The following SEMA6D variants were observed in gnomAD, a reference collection of about 807,000 sequenced individuals.
The protein encoded by SEMA6D is semaphorin-6D.
SEMA6D carries 35 observed loss-of-function variants against 106.6 expected under a neutral mutation model. That is an observed-to-expected ratio of 0.33 (90% CI 0.25 to 0.44). The LOEUF (loss-of-function observed/expected upper bound fraction) is 0.44. Among genes scored for constraint, SEMA6D ranks in the 20% least tolerant of loss-of-function variants. The probability of loss-of-function intolerance (pLI) is 1.00; values close to 1 mark genes in which losing one functional copy is unlikely to be tolerated. For missense variants in SEMA6D, 1,185 were observed against 1,345.9 expected (o/e 0.88, Z 1.87); for synonymous variants, 499 against 487.7 (o/e 1.02, Z -0.31).
chr15:47,225,887 A>G (rs2031625678), intron 1 of SEMA6D, among the ~76,000 whole-genome samples: 1 of 152,030 alleles, frequency 6.6e-6, no homozygotes, highest in African/African-American at 2.4e-5. Context: ...TTTATTGGGT[A>G]CGTACTTTTC....
At chr15:47,201,076 C>G (rs372160232) in intron 1 of SEMA6D, among the ~76,000 whole-genome samples, 1 of 152,046 alleles carries the variant, frequency 6.6e-6, no homozygotes, top group East Asian at 1.9e-4. Flanking sequence ...TCTTATTCAT[C>G]GATTTAGTAG....
intron 4 of SEMA6D, among the ~76,000 whole-genome samples, chr15:47,710,868 G>A (rs1421531196): frequency 1.3e-5 from 2 of 152,130 alleles, no homozygotes; most frequent in African/African-American, 4.8e-5. Flanking sequence ...TCAATTTGAA[G>A]TGATTTTTTC....
chr15:47,441,048 T>C (rs2140773197), intron 2 of SEMA6D, among the ~76,000 whole-genome samples: 1 of 152,198 alleles, frequency 6.6e-6, no homozygotes, highest in East Asian at 1.9e-4. Flanking sequence ...GCTTGACACT[T>C]AACCTTACCA....
intron 1 of SEMA6D, among the ~76,000 whole-genome samples, chr15:47,407,403 C>CAAAAAAAAAAAAAA (rs1462088729): frequency 6.6e-4 from 54 of 82,192 alleles, no homozygotes; most frequent in Middle Eastern, 9.8e-3. Flanking sequence ...ACAACAACAA[C>CAAAAAAAAAAAAAA]AACAACAAAA....
In SEMA6D at chr15:47,331,464, TA is replaced by T. The variant is rs2037336383; in HGVS notation, c.-238-80928del. 2.6e-5 allele frequency among the ~76,000 whole-genome samples: 4 copies of T among 152,220 alleles called. No individual in the cohort carries two copies. The South Asian group carries it at 8.3e-4, about 31-fold the overall frequency. On this transcript the variant is annotated intron_variant, in intron 1 of 19. Transcript: ENST00000558014. ...GAATGGGATGCAATAAATATATTTTTAGTCTTAATTATATAGGGAAATGTTA... is the reference window on the plus strand; with the variant it reads ...GAATGGGATGCAATAAATATATTTTTGTCTTAATTATATAGGGAAATGTTA...
intron 4 of SEMA6D, among the ~76,000 whole-genome samples, chr15:47,658,615 C>T (rs72735829): frequency 0.021 from 3,125 of 152,194 alleles, 36 homozygotes; most frequent in South Asian, 0.053. Flanking sequence ...TGTTGGACTG[C>T]GCAATCCTTC....
chr15:47,694,533 C>T (rs1398693655), intron 4 of SEMA6D, among the ~76,000 whole-genome samples: 1 of 152,052 alleles, frequency 6.6e-6, no homozygotes, highest in Non-Finnish European at 1.5e-5. Flanking sequence ...TCCTGTGCCC[C>T]TCTTCAACTA....
At chr15:47,241,899 G>C (rs757480652) in intron 1 of SEMA6D, among the ~76,000 whole-genome samples, 1 of 152,048 alleles carries the variant, frequency 6.6e-6, no homozygotes, top group African/African-American at 2.4e-5. Context: ...TTCCCTCCCT[G>C]TATTTCTGGC....
At chr15:47,766,768 C>A in intron 16 of SEMA6D, 91 bp downstream of exon 16, 2 of 868,406 alleles carry the variant, frequency 2.3e-6, no homozygotes, top group Non-Finnish European at 3.7e-6. Flanking sequence ...TTTAATGACT[C>A]AGGACACATA....
At chr15:47,554,267 A>G (rs1331276949) in intron 3 of SEMA6D, among the ~76,000 whole-genome samples, 2 of 152,214 alleles carry the variant, frequency 1.3e-5, no homozygotes, top group East Asian at 1.9e-4. Context: ...AGTCCAGTAC[A>G]TAGCCATTAT....
At chr15:47,616,550 A>C (rs1312105588) in intron 4 of SEMA6D, among the ~76,000 whole-genome samples, 17 of 145,788 alleles carry the variant, frequency 1.2e-4, no homozygotes, top group Non-Finnish European at 1.5e-5. Flanking sequence ...TATAAGAATT[A>C]TTGACTGTAT....
rs1314767755 is a variant in SEMA6D at position 47,207,991 on chromosome 15, GCGCACACACACACACACACACACACA to G, written c.-239+23575_-239+23600del. Among the ~76,000 whole-genome samples, 119 of 122,988 alleles carry G rather than the reference GCGCACACACACACACACACACACACA, an allele frequency of 9.7e-4. 1 individual carries two copies. The highest frequency in any genetic ancestry group is 2.2e-3 in the East Asian group (9 of 4,150). 80.7% of individuals were successfully genotyped at this position (122,988 alleles called of 152,430 possible). A position where few individuals can be genotyped will look rare whatever the true frequency, so the allele number is the denominator to read the frequency against. On this transcript the variant is annotated intron_variant, in intron 1 of 19. Coordinates refer to the SEMA6D transcript ENST00000558014. ...ACAGGTACAGTAGCCACTGGCGCGC[GCGCACACACACACACACACACACACA>G]CACACACACACACACACACACACAC...
At chr15:47,287,997 G>A (rs1233616923) in intron 1 of SEMA6D, among the ~76,000 whole-genome samples, 2 of 152,104 alleles carry the variant, frequency 1.3e-5, no homozygotes, top group African/African-American at 4.8e-5. Context: ...AAAAGAGAGA[G>A]ACAGAGAGAG....
At chr15:47,463,567 A>G in intron 2 of SEMA6D, among the ~76,000 whole-genome samples, 1 of 152,166 alleles carries the variant, frequency 6.6e-6, no homozygotes, top group South Asian at 2.1e-4. Flanking sequence ...TAGGCCTAAG[A>G]GTTGTAGAGT....
rs1298423258 is a variant in SEMA6D at position 47,229,424 on chromosome 15, T to C, written c.-239+45006T>C. Among the ~76,000 whole-genome samples, 3 of 151,992 alleles carry C rather than the reference T, an allele frequency of 2.0e-5. 1 individual carries two copies. Among genetic ancestry groups the C allele is most frequent in the Non-Finnish European group, 4.4e-5 (3 of 67,960 alleles). On this transcript the variant is annotated intron_variant, in intron 1 of 19. Transcript: ENST00000558014. Reference sequence around the variant, plus strand: ...GGGGGATGCAGTTTATGGTCATGGATAATACATACTGAAATTTGACAAAGG... The same window carrying C: ...GGGGGATGCAGTTTATGGTCATGGACAATACATACTGAAATTTGACAAAGG...
intron 1 of SEMA6D, among the ~76,000 whole-genome samples, chr15:47,342,679 G>A (rs181423263): frequency 6.6e-5 from 10 of 152,120 alleles, no homozygotes; most frequent in East Asian, 1.9e-4. Context: ...GGGTGCTTGC[G>A]TCATTGACCC....
intron 3 of SEMA6D, among the ~76,000 whole-genome samples, chr15:47,498,175 A>G (rs895750541): frequency 4.6e-5 from 7 of 152,128 alleles, no homozygotes; most frequent in African/African-American, 7.2e-5. Flanking sequence ...CCACTTTAAG[A>G]TCATGCATTT....
At chr15:47,453,286 CG>C (rs1348599392) in intron 2 of SEMA6D, among the ~76,000 whole-genome samples, 1 of 148,352 alleles carries the variant, frequency 6.7e-6, no homozygotes, top group Non-Finnish European at 1.5e-5. Context: ...AGTGCCCTTT[CG>C]AAAAAAAAAA....
At chr15:47,202,861 G>T (rs1595734147) in intron 1 of SEMA6D, among the ~76,000 whole-genome samples, 1 of 152,022 alleles carries the variant, frequency 6.6e-6, no homozygotes, top group African/African-American at 2.4e-5. Flanking sequence ...GCGAAAAAAT[G>T]TGGACAAAGT....
Sources: allele counts gnomAD v4.1 joint callset (sites outside exome capture counted in the v4.1 genomes callset), GRCh38; gene constraint gnomAD v4.1.1; transcripts MANE v1.5; gene names NCBI Gene and HGNC (gene_info 2026-07-23, HGNC 2026-07-21).